CXADR: variants seen among roughly 807,000 people sequenced by gnomAD.
The protein encoded by CXADR is coxsackievirus and adenovirus receptor.
In CXADR, 20 loss-of-function variants were observed where a neutral mutation model predicts 40.3. The ratio of observed to expected loss-of-function variants is 0.50; its 90% confidence interval spans 0.35 to 0.72. The LOEUF is 0.72. CXADR is among the 30% of genes least tolerant of loss of function. CXADR has a pLI of 0.01. For missense variants in CXADR, 332 were observed against 449.1 expected (o/e 0.74, Z 2.36); for synonymous variants, 150 against 161.3 (o/e 0.93, Z 0.53).
At chr21:17,580,185 A>G (rs559656319) in intron 7 of CXADR, among the ~76,000 whole-genome samples, 14 of 152,322 alleles carry the variant, frequency 9.2e-5, no homozygotes, top group African/African-American at 3.1e-4. Context: ...TATTAAATTT[A>G]TTAATTTATT....
the CXADR span, chr21:17,612,366 C>T: frequency 4.6e-5 from 7 of 152,304 alleles, no homozygotes; most frequent in Non-Finnish European, 1.0e-4. Context: ...AGGGGGTGGA[C>T]AGAGGGTGGG....
At chr21:17,616,105 G>A in the CXADR span, among the ~76,000 whole-genome samples, 3 of 151,850 alleles carry the variant, frequency 2.0e-5, no homozygotes, top group African/African-American at 7.3e-5. Flanking sequence ...ACAAAAATTA[G>A]CCAGGTGTGG....
intron 4 of CXADR, among the ~76,000 whole-genome samples, chr21:17,560,332 G>T (rs979189): frequency 0.18 from 27,390 of 152,008 alleles, 2,592 homozygotes; most frequent in East Asian, 0.24. Context: ...TTCCATCTAG[G>T]GGGGAATAAA....
intron 7 of CXADR, among the ~76,000 whole-genome samples, chr21:17,582,239 T>C (rs2061366599): frequency 6.6e-6 from 1 of 152,202 alleles, no homozygotes; most frequent in Non-Finnish European, 1.5e-5. Flanking sequence ...CTCGAACTGC[T>C]AACCGCAGGT....
the CXADR span, chr21:17,612,039 A>C: frequency 4.6e-5 from 7 of 152,336 alleles, no homozygotes; most frequent in African/African-American, 1.7e-4. Flanking sequence ...GGACTTTCTG[A>C]AGCCATCGAA....
intron 7 of CXADR, among the ~76,000 whole-genome samples, chr21:17,586,042 G>A (rs1057228634): frequency 5.9e-5 from 9 of 152,140 alleles, no homozygotes; most frequent in East Asian, 5.8e-4. Context: ...ATTTAGCTAA[G>A]CTGGAAAGGG....
chr21:17,591,604 CTTT>C (rs72203465), intron 7 of CXADR, among the ~76,000 whole-genome samples: 2 of 151,238 alleles, frequency 1.3e-5, no homozygotes, highest in East Asian at 1.9e-4. Flanking sequence ...CTTACTAAAA[CTTT>C]TTTTTTCAAA....
the CXADR span, among the ~76,000 whole-genome samples, chr21:17,601,983 A>G: frequency 2.6e-5 from 4 of 152,314 alleles, no homozygotes; most frequent in Admixed American, 6.5e-5. Context: ...CTATACTACT[A>G]TAACATTACA....
chr21:17,586,357 T>TTA lies in CXADR; in HGVS notation c.1018-6791_1018-6790dup, dbSNP rs200292013. On this transcript the variant is annotated intron_variant, in intron 7 of 7. Coordinates refer to the CXADR transcript ENST00000400169. The stretch of plus-strand genomic sequence containing the variant: ...TTCCAATATTTCCCAAAGCTAAAGT[T>TTA]TATATGTATATATACAAAATGTGTG... Among the ~76,000 whole-genome samples, 946 of 147,766 alleles carry TTA rather than the reference T, an allele frequency of 6.4e-3. 54 individuals are homozygous for TTA. In the East Asian group the frequency reaches 0.13, roughly 20 times the overall value.
the CXADR span, among the ~76,000 whole-genome samples, chr21:17,634,259 C>T: frequency 2.6e-4 from 40 of 152,250 alleles, no homozygotes; most frequent in Non-Finnish European, 4.9e-4. Context: ...TGGGGGGGAT[C>T]CTTCATCTGG....
At chr21:17,532,261 G>C (rs73894843) in intron 1 of CXADR, among the ~76,000 whole-genome samples, 2,582 of 152,068 alleles carry the variant, frequency 0.017, 75 homozygotes, top group African/African-American at 0.059. Flanking sequence ...ATTCTTTTTT[G>C]AGGGCTTGAT....
At chr21:17,548,406 C>T (rs1020392999) in intron 2 of CXADR, among the ~76,000 whole-genome samples, 1 of 152,178 alleles carries the variant, frequency 6.6e-6, no homozygotes, top group Non-Finnish European at 1.5e-5. Flanking sequence ...TTCTGTTTCC[C>T]TGAGCAAAAT....
At chr21:17,542,188 T>A (rs1038059258) in intron 1 of CXADR, 1 of 205,472 alleles carries the variant, frequency 4.9e-6, no homozygotes, top group African/African-American at 2.4e-5. Context: ...TTTAAAAAAC[T>A]AGTGATAACA....
At chr21:17,633,098 G>A in the CXADR span, 6 of 152,270 alleles carry the variant, frequency 3.9e-5, no homozygotes, top group South Asian at 2.1e-4. Flanking sequence ...GGCCTGAGAA[G>A]CTGCCTCAGA....
At chr21:17,534,007 A>AAT (rs5842646) in intron 1 of CXADR, among the ~76,000 whole-genome samples, 1,231 of 87,886 alleles carry the variant, frequency 0.014, 33 homozygotes, top group African/African-American at 0.041. Context: ...CTTTCTCAGC[A>AAT]ATATATATAT....
intron 7 of CXADR, among the ~76,000 whole-genome samples, chr21:17,580,676 A>G (rs1019275912): frequency 2.0e-5 from 3 of 152,192 alleles, no homozygotes; most frequent in Non-Finnish European, 4.4e-5. Flanking sequence ...AGACTTTTAC[A>G]TCTGACCCTG....
At chr21:17,612,750 T>C in the CXADR span, 1 of 152,330 alleles carries the variant, frequency 6.6e-6, no homozygotes, top group African/African-American at 2.4e-5. Context: ...CCAGACCGTG[T>C]CCTGGCCGGG....
At chr21:17,620,333 A>G in the CXADR span, among the ~76,000 whole-genome samples, 1 of 152,202 alleles carries the variant, frequency 6.6e-6, no homozygotes, top group Non-Finnish European at 1.5e-5. Context: ...CCAAGGAGAG[A>G]GAGACAGTGG....
downstream of CXADR, chr21:17,593,860 T>C: frequency 2.0e-6 from 1 of 511,450 alleles, no homozygotes; most frequent in Non-Finnish European, 3.4e-6. Flanking sequence ...TCAAGTCCAA[T>C]ATTAAAAACT....
Sources: allele counts gnomAD v4.1 joint callset (sites outside exome capture counted in the v4.1 genomes callset), GRCh38; gene constraint gnomAD v4.1.1; transcripts MANE v1.5; gene names NCBI Gene and HGNC (gene_info 2026-07-23, HGNC 2026-07-21).